Variants in LINGO2 observed in about 807,000 individuals in gnomAD.
The protein encoded by LINGO2 is leucine-rich repeat and immunoglobulin-like domain-containing nogo receptor-interacting protein 2.
Under a neutral mutation model 30.6 loss-of-function variants are expected in LINGO2, and 14 were observed. The observed-to-expected ratio is 0.46, with a 90% confidence interval of 0.30 to 0.72. LINGO2 has a LOEUF of 0.72. LINGO2 is among the 30% of genes least tolerant of loss of function. The probability of loss-of-function intolerance (pLI) is 0.07; values close to 1 mark genes in which losing one functional copy is unlikely to be tolerated. For missense variants in LINGO2, 729 were observed against 751.7 expected (o/e 0.97, Z 0.35); for synonymous variants, 317 against 288.5 (o/e 1.10, Z -1.00).
intron 1 of LINGO2, among the ~76,000 whole-genome samples, chr9:28,511,467 G>A (rs1442573726): frequency 2.0e-5 from 3 of 152,094 alleles, no homozygotes; most frequent in Non-Finnish European, 2.9e-5. Context: ...CTCCATCCCT[G>A]CCACCATGGC....
rs1350322302 is a variant in LINGO2 at position 28,016,908 on chromosome 9, T to C, written c.-86-4503A>G. ...CAACAAAACAACAACTTCAGGCCAA[T>C]ATCCTTGATGAACATAGATGGAAAA... On this transcript the variant is annotated intron_variant, in intron 4 of 5. Coordinates refer to ENST00000379992, the Ensembl canonical transcript of LINGO2. Among the ~76,000 whole-genome samples the C allele has an allele frequency of 6.6e-5, 10 of 152,214 alleles. No individual in the cohort carries two copies. The South Asian group carries it at 1.9e-3, about 28-fold the overall frequency.
chr9:28,689,240 G>A, the LINGO2 span, among the ~76,000 whole-genome samples: 1 of 152,088 alleles, frequency 6.6e-6, no homozygotes, highest in Non-Finnish European at 1.5e-5. Flanking sequence ...AGAAACTTAT[G>A]ACCACCCCTA....
At chr9:29,115,032 CTAA>C in the LINGO2 span, among the ~76,000 whole-genome samples, 2 of 152,052 alleles carry the variant, frequency 1.3e-5, no homozygotes, top group African/African-American at 2.4e-5. Flanking sequence ...TACCACCTCA[CTAA>C]TAATTAGACA....
chr9:28,441,624 T>G (rs1201434892), intron 2 of LINGO2, among the ~76,000 whole-genome samples: 1 of 152,166 alleles, frequency 6.6e-6, no homozygotes, highest in East Asian at 1.9e-4. Flanking sequence ...AGACAGGGAC[T>G]TTGACATCTT....
At chr9:27,982,703 T>A (rs1007269081) in intron 5 of LINGO2, among the ~76,000 whole-genome samples, 5 of 151,888 alleles carry the variant, frequency 3.3e-5, no homozygotes, top group Non-Finnish European at 7.4e-5. Flanking sequence ...AACTACCCTA[T>A]GCTGGTTTAA....
At chr9:28,822,278 A>C in the LINGO2 span, among the ~76,000 whole-genome samples, 1 of 152,304 alleles carries the variant, frequency 6.6e-6, no homozygotes, top group Non-Finnish European at 1.5e-5. Flanking sequence ...TGCATACTTC[A>C]AGTTTCTCAA....
At chr9:28,800,517 G>C in the LINGO2 span, among the ~76,000 whole-genome samples, 1 of 152,026 alleles carries the variant, frequency 6.6e-6, no homozygotes, top group African/African-American at 2.4e-5. Flanking sequence ...GGCTCCCATA[G>C]ATGTATTGCT....
chr9:28,570,365 C>T (rs1376439028), intron 1 of LINGO2, among the ~76,000 whole-genome samples: 2 of 151,754 alleles, frequency 1.3e-5, no homozygotes, highest in Admixed American at 1.3e-4. Flanking sequence ...GCAACCCATA[C>T]ATTAGTATTA....
At chr9:28,384,839 T>G (rs79126511) in intron 2 of LINGO2, among the ~76,000 whole-genome samples, 2 of 62,716 alleles carry the variant, frequency 3.2e-5, no homozygotes, top group East Asian at 1.4e-3. Flanking sequence ...AAAAAAAAAA[T>G]GTCTTCACAT....
chr9:28,478,459 G>T lies in LINGO2; in HGVS notation c.-364-2434C>A, dbSNP rs78369150. ...CATTCAGTGAGTCTAGGGTAGGGCT[G>T]CAGAATCTGTATCCATCACATAGGT... On this transcript the variant is annotated intron_variant, in intron 1 of 5. Transcript: ENST00000379992. 9.5e-3 allele frequency among the ~76,000 whole-genome samples: 1,438 copies of T among 152,104 alleles called. 23 individuals are homozygous for T. Among genetic ancestry groups the T allele is most frequent in the African/African-American group, 0.033 (1,355 of 41,510 alleles).
chr9:28,364,468 C>T (rs1462589306), intron 3 of LINGO2, among the ~76,000 whole-genome samples: 2 of 152,118 alleles, frequency 1.3e-5, no homozygotes, highest in African/African-American at 4.8e-5. Context: ...AAAACAGCTT[C>T]ACTTGGTTCT....
chr9:28,078,280 G>A (rs1825681949), intron 4 of LINGO2, among the ~76,000 whole-genome samples: 1 of 148,780 alleles, frequency 6.7e-6, no homozygotes, highest in Non-Finnish European at 1.5e-5. Flanking sequence ...AGGCATGCAG[G>A]GCAACTGAGA....
the LINGO2 span, among the ~76,000 whole-genome samples, chr9:28,723,630 T>G: frequency 2.0e-5 from 3 of 152,118 alleles, no homozygotes; most frequent in African/African-American, 7.2e-5. Flanking sequence ...TACAGTATTC[T>G]AGACATCACT....
the LINGO2 span, among the ~76,000 whole-genome samples, chr9:28,775,451 T>C: frequency 6.6e-6 from 1 of 152,196 alleles, no homozygotes; most frequent in African/African-American, 2.4e-5. Flanking sequence ...CTGATAATTT[T>C]CTAAAAGGTC....
chr9:28,290,612 G>A (rs1010973759), intron 4 of LINGO2, among the ~76,000 whole-genome samples: 10 of 152,092 alleles, frequency 6.6e-5, no homozygotes, highest in Admixed American at 2.0e-4. Context: ...TAAAACTAGA[G>A]GTTTATATAG....
intron 4 of LINGO2, among the ~76,000 whole-genome samples, chr9:28,020,739 A>G (rs1365144038): frequency 2.0e-5 from 3 of 152,098 alleles, no homozygotes; most frequent in Admixed American, 6.6e-5. Flanking sequence ...GCCTATTCAG[A>G]TTGTATCAAT....
chr9:28,617,865 A>G (rs1255447406), intron 1 of LINGO2, among the ~76,000 whole-genome samples: 1 of 152,170 alleles, frequency 6.6e-6, no homozygotes, highest in African/African-American at 2.4e-5. Context: ...TCCCCTTTAC[A>G]CACTTTCAAT....
chr9:27,993,841 G>A (rs1168456598), intron 5 of LINGO2, among the ~76,000 whole-genome samples: 1 of 151,904 alleles, frequency 6.6e-6, no homozygotes, highest in Non-Finnish European at 1.5e-5. Context: ...TCCAACTGCT[G>A]CTGAATATGC....
chr9:29,098,110 C>G, the LINGO2 span, among the ~76,000 whole-genome samples: 2 of 152,114 alleles, frequency 1.3e-5, no homozygotes, highest in Admixed American at 1.3e-4. Flanking sequence ...TATAATTTAT[C>G]TAGCATAGTT....
Sources: allele counts gnomAD v4.1 joint callset (sites outside exome capture counted in the v4.1 genomes callset), GRCh38; gene constraint gnomAD v4.1.1; transcripts MANE v1.5; gene names NCBI Gene and HGNC (gene_info 2026-07-23, HGNC 2026-07-21).